THSD7B: variants seen among roughly 807,000 people sequenced by gnomAD.
THSD7B encodes thrombospondin type 1 domain containing 7B.
A neutral mutation model predicts 213.6 loss-of-function variants in THSD7B; 138 were observed. The observed-to-expected ratio is 0.65, with a 90% CI of 0.56 to 0.74. The LOEUF is 0.74. THSD7B is among the 30% of genes least tolerant of loss of function. The pLI, the probability that THSD7B is intolerant of heterozygous loss-of-function variation, is 0.00. For synonymous variants in THSD7B, 742 were observed against 687.0 expected (o/e 1.08, Z -1.25); for missense variants, 1,931 against 1,991.5 (o/e 0.97, Z 0.58).
intron 12 of THSD7B, among the ~76,000 whole-genome samples, chr2:137,383,773 T>G (rs1369477704): frequency 6.6e-6 from 1 of 152,098 alleles, no homozygotes; most frequent in Non-Finnish European, 1.5e-5. Flanking sequence ...TAAAACCATG[T>G]CAAAACTGTC....
intron 4 of THSD7B, among the ~76,000 whole-genome samples, chr2:137,101,286 C>T (rs1386916189): frequency 6.6e-6 from 1 of 152,214 alleles, no homozygotes; most frequent in Non-Finnish European, 1.5e-5. Flanking sequence ...AAGTGATCCA[C>T]AGGCCTTTGC....
chr2:137,322,528 T>G (rs1352444616), intron 12 of THSD7B, among the ~76,000 whole-genome samples: 11 of 152,188 alleles, frequency 7.2e-5, no homozygotes, highest in Non-Finnish European at 1.5e-4. Flanking sequence ...CGAGACTGAA[T>G]CTTGGAGAAA....
At position 137,559,355 on chromosome 2, in the gene THSD7B, C is replaced by G. The variant is rs1681056131; in HGVS notation, c.3139-3866C>G. On this transcript the variant is annotated intron_variant, in intron 15 of 27. Transcript: ENST00000409968. The stretch of plus-strand genomic sequence containing the variant: ...TAACCAAAACAGCATGGTACTGGTA[C>G]CAAAACAGAGATATAGACAAATGGA... 4.6e-5 allele frequency among the ~76,000 whole-genome samples: 7 copies of G among 152,200 alleles called. No homozygotes were observed. The South Asian group carries it at 1.5e-3, about 32-fold the overall frequency.
intron 15 of THSD7B, among the ~76,000 whole-genome samples, chr2:137,559,617 G>T (rs545401929): frequency 6.6e-6 from 1 of 152,268 alleles, no homozygotes; most frequent in South Asian, 2.1e-4. Flanking sequence ...AACCCTAGAA[G>T]AAAACCTAGG....
intron 20 of THSD7B, among the ~76,000 whole-genome samples, chr2:137,641,733 C>G (rs964352598): frequency 2.0e-5 from 3 of 152,128 alleles, no homozygotes; most frequent in Admixed American, 6.5e-5. Flanking sequence ...CTTTTCTGAG[C>G]GATTTTTACT....
chr2:137,649,995 G>A lies in THSD7B; in HGVS notation c.3946-5506G>A, dbSNP rs186115365. Among the ~76,000 whole-genome samples the A allele has an allele frequency of 4.0e-3, 611 of 152,064 alleles. 5 individuals carry two copies. Among genetic ancestry groups the A allele is most frequent in the Non-Finnish European group, 6.6e-3 (450 of 67,980 alleles). On this transcript the variant is annotated intron_variant, in intron 21 of 27. Coordinates refer to ENST00000409968, the MANE Select transcript of THSD7B (RefSeq NM_001316349.2). ...TGGATGTCTCTCATCCCAGATACTC[G>A]GGGGGCTAAGGTGGGAAGATGGCTT...
At chr2:137,362,268 A>G (rs1296038781) in intron 12 of THSD7B, among the ~76,000 whole-genome samples, 2 of 152,232 alleles carry the variant, frequency 1.3e-5, no homozygotes, top group Admixed American at 6.5e-5. Flanking sequence ...AGTACCAGCC[A>G]CTGCAAAAAC....
At chr2:137,242,175 A>T (rs953706556) in intron 9 of THSD7B, among the ~76,000 whole-genome samples, 10 of 152,150 alleles carry the variant, frequency 6.6e-5, no homozygotes, top group Admixed American at 3.3e-4. Flanking sequence ...ATGGTGAGAC[A>T]CTTTCTTGGC....
chr2:137,572,404 A>G lies in THSD7B; in HGVS notation c.3273-2A>G. The G allele has an allele frequency of 6.2e-7, 1 of 1,613,764 alleles. No homozygotes were observed. Among genetic ancestry groups the G allele is most frequent in the South Asian group, 1.1e-5 (1 of 91,056 alleles). ...AAACTATCTTGTGACCTTGCTTTAC[A>G]GATGTGTGAATACTGCGGATGGTGA... On this transcript the variant is annotated splice_acceptor_variant, in intron 16 of 27. Coordinates refer to ENST00000409968, the MANE Select transcript of THSD7B (RefSeq NM_001316349.2). LOFTEE classifies it high-confidence loss of function.
chr2:137,515,670 G>T (rs906785314), intron 15 of THSD7B, among the ~76,000 whole-genome samples: 1 of 152,144 alleles, frequency 6.6e-6, no homozygotes, highest in Admixed American at 6.6e-5. Context: ...ACTAAGTAGG[G>T]ATTCTGCATT....
intron 1 of THSD7B, among the ~76,000 whole-genome samples, chr2:136,815,073 G>A (rs552923454): frequency 6.6e-6 from 1 of 152,278 alleles, no homozygotes; most frequent in African/African-American, 2.4e-5. Flanking sequence ...GAGCTGAGTG[G>A]TTGTGACAGA....
intron 16 of THSD7B, among the ~76,000 whole-genome samples, chr2:137,565,638 C>A (rs1222882903): frequency 6.6e-6 from 1 of 152,124 alleles, no homozygotes; most frequent in Admixed American, 6.6e-5. Context: ...CAAACCATAT[C>A]ATTCTGCCCC....
rs923303963 is a variant in THSD7B at position 137,249,358 on chromosome 2, T to C, written c.2266+6786T>C. 3.3e-5 allele frequency among the ~76,000 whole-genome samples: 5 copies of C among 152,252 alleles called. No homozygotes were observed. In the East Asian group the frequency reaches 9.6e-4, roughly 29 times the overall value. On this transcript the variant is annotated intron_variant, in intron 10 of 27. Coordinates refer to ENST00000409968, the MANE Select transcript of THSD7B (RefSeq NM_001316349.2). ...ATAACAACATTGCATTAGAGTCCGA[T>C]GACCATACTGAGACAAGGAGGAACA...
In THSD7B at chr2:137,572,515, T is replaced by A; in HGVS notation, c.3382T>A (p.Cys1128Ser). 1.2e-6 allele frequency: 2 copies of A among 1,613,830 alleles called. No individual in the cohort carries two copies. The highest frequency in any genetic ancestry group is 3.3e-5 in the Admixed American group (2 of 60,004). The part of the protein sequence containing the change: ...QSCSLMCPNE[C>S]VMSEWGLWSK... ...CTGTTCTCTTATGTGTCCCAATGAG[T>A]GTGTCATGTCTGAGTGGGGACTTTG... is the stretch of plus-strand genomic sequence containing the variant. The change falls in exon 17 of 28, where the codon TGT (cysteine) becomes AGT (serine). Residue 1128 changes from cysteine (C) to serine (S), a missense_variant. Cys to Ser is a moderately radical substitution (Grantham distance 112). Coordinates refer to ENST00000409968, the MANE Select transcript of THSD7B (RefSeq NM_001316349.2).
chr2:136,884,368 T>A (rs1160510545), intron 2 of THSD7B, among the ~76,000 whole-genome samples: 1 of 151,884 alleles, frequency 6.6e-6, no homozygotes, highest in Non-Finnish European at 1.5e-5. Context: ...TCTGGAGAGG[T>A]GCTTGACAAA....
intron 2 of THSD7B, among the ~76,000 whole-genome samples, chr2:137,043,607 G>T (rs1047108165): frequency 1.3e-5 from 2 of 152,120 alleles, no homozygotes; most frequent in Admixed American, 6.5e-5. Context: ...GGAGGTGTGT[G>T]GCAGAAGCAG....
At chr2:137,353,667 A>G (rs1685063467) in intron 12 of THSD7B, among the ~76,000 whole-genome samples, 1 of 152,132 alleles carries the variant, frequency 6.6e-6, no homozygotes, top group Non-Finnish European at 1.5e-5. Flanking sequence ...ATTCACTTCA[A>G]TTTATTCTTT....
intron 12 of THSD7B, among the ~76,000 whole-genome samples, chr2:137,337,854 A>T (rs1235073483): frequency 6.6e-6 from 1 of 152,028 alleles, no homozygotes; most frequent in East Asian, 1.9e-4. Flanking sequence ...TACTATCATT[A>T]TGTTGTTGCT....
intron 1 of THSD7B, among the ~76,000 whole-genome samples, chr2:136,857,155 A>T (rs1229197102): frequency 6.6e-6 from 1 of 152,222 alleles, no homozygotes; most frequent in Non-Finnish European, 1.5e-5. Context: ...TTAAAACTTA[A>T]ATTGGCTATA....
Sources: allele counts gnomAD v4.1 joint callset (sites outside exome capture counted in the v4.1 genomes callset), GRCh38; gene constraint gnomAD v4.1.1; transcripts MANE v1.5; gene names NCBI Gene and HGNC (gene_info 2026-07-23, HGNC 2026-07-21).